TRAK2: variants seen among roughly 807,000 people sequenced by gnomAD.
TRAK2 encodes trafficking kinesin protein 2.
In TRAK2, 81 loss-of-function variants were observed where a neutral mutation model predicts 104.6. That is an observed-to-expected ratio of 0.77 (90% CI 0.65 to 0.93). The LOEUF (loss-of-function observed/expected upper bound fraction) is 0.93. Ranked by LOEUF, TRAK2 falls within the 40% of genes least tolerant of loss-of-function variation. The pLI is 0.00. For synonymous variants in TRAK2, 406 were observed against 394.4 expected (o/e 1.03, Z -0.35); for missense variants, 1,002 against 1,089.0 (o/e 0.92, Z 1.12).
intron 1 of TRAK2, among the ~76,000 whole-genome samples, chr2:201,440,772 T>C (rs1001787130): frequency 2.0e-5 from 3 of 152,248 alleles, no homozygotes; most frequent in Admixed American, 6.5e-5. Context: ...GGGAGTCATA[T>C]CCTACTGCTC....
intron 2 of TRAK2, among the ~76,000 whole-genome samples, chr2:201,413,922 G>A (rs1051965112): frequency 2.0e-5 from 3 of 152,146 alleles, no homozygotes; most frequent in African/African-American, 7.2e-5. Context: ...ATATTAGAAA[G>A]ATCATGGGTT....
rs867069715 is a variant in TRAK2, at chr2:201,380,626, G to A, written c.2662C>T (p.Gln888Ter). 1 of 1,614,054 alleles carries A rather than the reference G, an allele frequency of 6.2e-7. No individual in the cohort carries two copies. ...SSLLGGLRRN[Q>*]SLPVIMGSFA... ...CTACCCATTATGACTGGAAGACTCT[G>A]ATTCCTCCTTAGTCCACCTAATAAA... The change falls in exon 16 of 16, where the codon CAG (glutamine) becomes TAG (stop). Residue 888 changes from glutamine to a stop codon, truncating the protein, a stop_gained. Coordinates refer to ENST00000332624, the MANE Select transcript of TRAK2 (RefSeq NM_015049.3). LOFTEE classifies it high-confidence loss of function.
At chr2:201,441,429 T>C (rs1278924171) in intron 1 of TRAK2, among the ~76,000 whole-genome samples, 1 of 152,234 alleles carries the variant, frequency 6.6e-6, no homozygotes, top group Admixed American at 6.5e-5. Flanking sequence ...AATGGTCAGA[T>C]ATCTTCTTTT....
intron 1 of TRAK2, among the ~76,000 whole-genome samples, chr2:201,425,818 T>C (rs1951783018): frequency 6.6e-6 from 1 of 152,020 alleles, no homozygotes; most frequent in Non-Finnish European, 1.5e-5. Context: ...AAGCAAAGTA[T>C]CTCTCATACT....
intron 2 of TRAK2, among the ~76,000 whole-genome samples, chr2:201,409,254 T>C (rs1337451694): frequency 6.6e-6 from 1 of 151,738 alleles, no homozygotes; most frequent in Non-Finnish European, 1.5e-5. Context: ...CCTTGCACAC[T>C]GTGGAGGCAC....
intron 14 of TRAK2, among the ~76,000 whole-genome samples, chr2:201,384,508 C>G (rs1282203490): frequency 6.6e-6 from 1 of 151,952 alleles, no homozygotes; most frequent in Non-Finnish European, 1.5e-5. Flanking sequence ...CCAAATGATT[C>G]AGCCAAATTT....
intron 1 of TRAK2, among the ~76,000 whole-genome samples, chr2:201,448,230 G>A (rs1389484683): frequency 1.3e-5 from 2 of 152,190 alleles, no homozygotes; most frequent in Non-Finnish European, 2.9e-5. Context: ...CTGTGGGGCT[G>A]GTACACAGTA....
intron 7 of TRAK2, 103 bp downstream of exon 7, chr2:201,397,399 C>T: frequency 1.4e-6 from 1 of 700,984 alleles, no homozygotes; most frequent in Non-Finnish European, 2.4e-6. Flanking sequence ...AAAATTGTTT[C>T]TTGAGATGCT....
chr2:201,430,493 G>A (rs557593544), intron 1 of TRAK2, among the ~76,000 whole-genome samples: 19 of 152,170 alleles, frequency 1.2e-4, no homozygotes, highest in Non-Finnish European at 2.4e-4. Context: ...TGAGCTTCCC[G>A]GCTTCTTTGT....
rs139060576 is a variant in TRAK2 at position 201,393,208 on chromosome 2, G to GTA, written c.976-164_976-163dup. On this transcript the variant is annotated intron_variant, in intron 9 of 15. Coordinates refer to ENST00000332624, the MANE Select transcript of TRAK2 (RefSeq NM_015049.3). Reference sequence around the variant, plus strand: ...GACTAAAACAAACTAAGCAAGAAGCGTATATATATATATTGAGCTACCAGA... The same window carrying GTA: ...GACTAAAACAAACTAAGCAAGAAGCGTATATATATATATATTGAGCTACCAGA... 3.6e-4 allele frequency among the ~76,000 whole-genome samples: 54 copies of GTA among 151,736 alleles called. No homozygotes were observed. The East Asian group carries it at 4.6e-3, about 13-fold the overall frequency.
chr2:201,393,784 G>A (rs1951471213), intron 9 of TRAK2, among the ~76,000 whole-genome samples: 1 of 152,148 alleles, frequency 6.6e-6, no homozygotes. Flanking sequence ...ATATCACTCT[G>A]TTGCCCAGGG....
chr2:201,413,646 C>T (rs1322194063), intron 2 of TRAK2, among the ~76,000 whole-genome samples: 1 of 151,920 alleles, frequency 6.6e-6, no homozygotes, highest in African/African-American at 2.4e-5. Context: ...CGGAAACCAT[C>T]CAATCCTGCC....
chr2:201,427,654 C>T (rs1183262715), intron 1 of TRAK2, among the ~76,000 whole-genome samples: 1 of 152,160 alleles, frequency 6.6e-6, no homozygotes, highest in African/African-American at 2.4e-5. Context: ...GTCTGTATAG[C>T]AGCATGATTT....
chr2:201,386,187 T>C (rs1272204560), intron 14 of TRAK2, 31 bp downstream of exon 14: 1 of 1,611,284 alleles, frequency 6.2e-7, no homozygotes, highest in South Asian at 1.1e-5. Context: ...TTCTGGTTAT[T>C]ATACCATATT....
intron 10 of TRAK2, among the ~76,000 whole-genome samples, chr2:201,391,739 A>C (rs1454178866): frequency 2.0e-5 from 3 of 152,234 alleles, no homozygotes. Flanking sequence ...GCACCTCTTG[A>C]AACCATGCTC....
In TRAK2 at chr2:201,377,602, T is replaced by G. The variant is rs1033419856; in HGVS notation, c.*2941A>C. ...ATTATACCCTTTATAGGGAATAGGC[T>G]CTTGTAAGCTGCCTTTTAACTTATT... On this transcript the variant is annotated 3_prime_UTR_variant, in exon 16 of 16. Transcript: ENST00000332624. The G allele has an allele frequency of 1.3e-5, 2 of 152,686 alleles. No homozygotes were observed. Among genetic ancestry groups the G allele is most frequent in the African/African-American group, 2.4e-5 (1 of 41,476 alleles). The allele number at this position is 152,686 out of a possible 1,614,324, so 9.5% of individuals were successfully genotyped here.
chr2:201,395,481 A>G, intron 7 of TRAK2, 37 bp from the exon 8 acceptor site: 1 of 1,475,858 alleles, frequency 6.8e-7, no homozygotes, highest in East Asian at 2.3e-5. Context: ...ATTAATACAA[A>G]TGTAGAGAAG....
At chr2:201,406,397 C>A (rs1273803974) in intron 3 of TRAK2, among the ~76,000 whole-genome samples, 1 of 151,992 alleles carries the variant, frequency 6.6e-6, no homozygotes, top group African/African-American at 2.4e-5. Context: ...ACTCACTGGG[C>A]TTCTTGATAT....
chr2:201,409,909 A>C (rs1387093513), intron 2 of TRAK2, among the ~76,000 whole-genome samples: 1 of 152,262 alleles, frequency 6.6e-6, no homozygotes, highest in African/African-American at 2.4e-5. Flanking sequence ...CAAGATTCAC[A>C]AGCCAAAATA....
Sources: gnomAD v4.1 joint callset for allele counts (sites outside exome capture counted in the v4.1 genomes callset) on GRCh38, gnomAD v4.1.1 for gene constraint, MANE v1.5 for transcripts, NCBI Gene and HGNC (gene_info 2026-07-23, HGNC 2026-07-21) for gene names.